SETX: variants seen among roughly 807,000 people sequenced by gnomAD.
The protein encoded by SETX is senataxin, also known as helicase senataxin.
In SETX, 90 loss-of-function variants were observed where a neutral mutation model predicts 227.2. The observed-to-expected ratio is 0.40, with a 90% CI of 0.33 to 0.47. The LOEUF (loss-of-function observed/expected upper bound fraction) is 0.47, where lower values mean the gene tolerates loss of function less well. Ranked by LOEUF, SETX falls within the 20% of genes least tolerant of loss-of-function variation. The pLI is 0.91. For missense variants in SETX, 3,052 were observed against 3,181.5 expected (o/e 0.96, Z 0.98); for synonymous variants, 1,210 against 1,113.2 (o/e 1.09, Z -1.73).
Position 132,278,136 on chromosome 9 carries a change from C to T in SETX, c.6776G>A (p.Arg2259Lys). ...GAAGAGGCATATGTCTGGATGCATC[C>T]TGTACTGAACAGTGAGCTGTAGAAT... is the stretch of plus-strand genomic sequence containing the variant. ...LPILQLTVQY[R>K]MHPDICLFPS... The change falls in exon 21 of 26, where the codon AGG becomes AAG. Residue 2259 changes from arginine to lysine, a missense_variant. Arg to Lys is a conservative substitution (Grantham distance 26). Coordinates refer to ENST00000224140, the MANE Select transcript of SETX (RefSeq NM_015046.7). 1 of 1,614,088 alleles carries T rather than the reference C, an allele frequency of 6.2e-7. No homozygotes were observed. The highest frequency in any genetic ancestry group is 8.5e-7 in the Non-Finnish European group (1 of 1,180,004).
In SETX at chr9:132,294,688, A is replaced by C. The variant is rs549020903; in HGVS notation, c.6106+1184T>G. Among the ~76,000 whole-genome samples the C allele has an allele frequency of 5.4e-4, 83 of 152,344 alleles. No homozygotes were observed. The South Asian group carries it at 0.016, about 29-fold the overall frequency. On this transcript the variant is annotated intron_variant, in intron 15 of 25. Transcript: ENST00000224140. ...AGGACCTAGAAACTTTCCTTGTAAC[A>C]TAGCTAGTATGTTCCCTCTGCCCCT...
At chr9:132,342,213 T>C (rs968348443) in intron 5 of SETX, among the ~76,000 whole-genome samples, 2 of 152,054 alleles carry the variant, frequency 1.3e-5, no homozygotes, top group Non-Finnish European at 2.9e-5. Flanking sequence ...CTATGTCAGG[T>C]TTCAATGCTA....
In SETX at chr9:132,290,232, C is replaced by G. The variant is rs574951618; in HGVS notation, c.6107-1581G>C. Among the ~76,000 whole-genome samples, 51 of 147,248 alleles carry G rather than the reference C, an allele frequency of 3.5e-4. No homozygotes were observed. The South Asian group carries it at 0.01, about 29-fold the overall frequency. The stretch of plus-strand genomic sequence containing the variant: ...CTCAAAAAAACAAACAAAAAAACAC[C>G]TTTATTCGTCTTTATTTTTTTTCCC... On this transcript the variant is annotated intron_variant, in intron 15 of 25. Transcript: ENST00000224140.
At position 132,327,020 on chromosome 9, in the gene SETX, T is replaced by A. The variant is rs1416904336; in HGVS notation, c.4578A>T (p.Lys1526Asn). Residue 1526 changes from lysine (K) to asparagine (N), a missense_variant, in exon 10 of 26, where the codon AAA becomes AAT. Lys to Asn is a moderately conservative substitution (Grantham distance 94). Coordinates refer to ENST00000224140, the MANE Select transcript of SETX (RefSeq NM_015046.7). ...AATCTTCTTCAACCTCAACTGTATC[T>A]TTTCCATGAATTAGTTCAATGAGTT... ...NYKLIELIHG[K>N]DTVEVEEDSV... is the part of the protein sequence containing the mutation. The A allele has an allele frequency of 1.2e-6, 2 of 1,614,130 alleles. No homozygotes were observed. Among genetic ancestry groups the A allele is most frequent in the Non-Finnish European group, 1.7e-6 (2 of 1,180,056 alleles).
chr9:132,328,878 T>C lies in SETX; in HGVS notation c.2720A>G (p.Glu907Gly). 6.2e-7 allele frequency: 1 copy of C among 1,614,076 alleles called. No individual in the cohort carries two copies. The highest frequency in any genetic ancestry group is 8.5e-7 in the Non-Finnish European group (1 of 1,179,972). ...IPFTEMTNASEKKSSPFKDLM... is the reference protein window; with the variant it reads ...IPFTEMTNASGKKSSPFKDLM... ...ATCTTTAAAGGGAGATGATTTCTTC[T>C]CTGAAGCATTGGTCATTTCTGTAAA... The change falls in exon 10 of 26, where the codon GAG becomes GGG. Residue 907 changes from glutamate to glycine, a missense_variant. Physicochemically the swap from Glu to Gly is moderately conservative, Grantham distance 98. Coordinates refer to ENST00000224140, the MANE Select transcript of SETX (RefSeq NM_015046.7).
chr9:132,300,242 CG>C (rs1589676558), intron 12 of SETX, among the ~76,000 whole-genome samples: 1 of 150,782 alleles, frequency 6.6e-6, no homozygotes, highest in East Asian at 1.9e-4. Flanking sequence ...AAACATACAA[CG>C]GATGGAAGTG....
intron 7 of SETX, among the ~76,000 whole-genome samples, chr9:132,333,047 C>G (rs1847344592): frequency 2.0e-5 from 3 of 151,098 alleles, no homozygotes. Flanking sequence ...TAAATGTTGG[C>G]AAAAGAGTAA....
intron 5 of SETX, 128 bp from the exon 6 acceptor site, chr9:132,336,643 G>A: frequency 4.0e-6 from 3 of 742,600 alleles, no homozygotes; most frequent in East Asian, 5.3e-5. Flanking sequence ...AATGCAATGT[G>A]TGGACCTTAT....
chr9:132,330,005 T>C lies in SETX; in HGVS notation c.1593A>G (p.Val531=), dbSNP rs201460632. 301 of 1,614,074 alleles carry C rather than the reference T, an allele frequency of 1.9e-4. 2 individuals carry two copies. The highest frequency in any genetic ancestry group is 1.3e-5 in the Non-Finnish European group (15 of 1,180,002). Residue 531 remains valine (V), a synonymous_variant, in exon 10 of 26, where the codon GTA becomes GTG. Coordinates refer to ENST00000224140, the MANE Select transcript of SETX (RefSeq NM_015046.7). ...TAATCAGCTGCACATAAGCAAGTTG[T>C]ACAGAGTTAGATGGCATGGAATGCA... ...LSLHSMPSNS[V]QLAYVQLIRS...
rs1842467535 is a variant in SETX, at chr9:132,262,918, T to G, written c.*1321A>C. The G allele has an allele frequency of 6.6e-6, 1 of 152,234 alleles. No individual in the cohort carries two copies. The highest frequency in any genetic ancestry group is 1.5e-5 in the Non-Finnish European group (1 of 68,038). 9.4% of individuals were successfully genotyped at this position (152,234 alleles called of 1,614,324 possible). On this transcript the variant is annotated 3_prime_UTR_variant, in exon 26 of 26. Transcript: ENST00000224140. ...ACTGTCAACTGTACATTCTCATGTTTAGGATACTCCAGTTCACTGCGTGGA... is the reference window on the plus strand; with the variant it reads ...ACTGTCAACTGTACATTCTCATGTTGAGGATACTCCAGTTCACTGCGTGGA...
In SETX at chr9:132,326,524, A is replaced by G. The variant is rs751000551; in HGVS notation, c.5074T>C (p.Leu1692=). 33 of 1,614,178 alleles carry G rather than the reference A, an allele frequency of 2.0e-5. No homozygotes were observed. In the South Asian group the frequency reaches 3.5e-4, roughly 17 times the overall value. Residue 1692 remains leucine, a synonymous_variant, in exon 10 of 26, where the codon TTG becomes CTG. Transcript: ENST00000224140. ...FPSSSPVNIL[L]SSQSVSDTFV... is the part of the protein sequence containing the mutation. ...GTGTCAGAGACAGACTGTGATGACA[A>G]AAGAATGTTTACTGGAGAGGAAGAT...
chr9:132,267,292 G>T (rs1330430231), intron 25 of SETX, among the ~76,000 whole-genome samples: 1 of 152,222 alleles, frequency 6.6e-6, no homozygotes, highest in African/African-American at 2.4e-5. Flanking sequence ...GGCTCTGGGG[G>T]CTCAGTTCTC....
chr9:132,293,587 A>G (rs1227970022), intron 15 of SETX, among the ~76,000 whole-genome samples: 1 of 152,040 alleles, frequency 6.6e-6, no homozygotes. Flanking sequence ...ACGTGCAGCT[A>G]ATTTGTATTT....
chr9:132,303,977 T>C (rs12339192), intron 11 of SETX, among the ~76,000 whole-genome samples: 38,070 of 151,878 alleles, frequency 0.25, 6,079 homozygotes, highest in East Asian at 0.68. Flanking sequence ...CAAAAATTAG[T>C]CAGGCATGGT....
chr9:132,290,307 T>C (rs991193893), intron 15 of SETX, among the ~76,000 whole-genome samples: 2 of 152,038 alleles, frequency 1.3e-5, no homozygotes, highest in African/African-American at 2.4e-5. Context: ...CTGGGCACAG[T>C]GGCTCACACC....
chr9:132,336,255 T>C lies in SETX; in HGVS notation c.718+41A>G, dbSNP rs1847607419. 2.6e-6 allele frequency: 4 copies of C among 1,536,022 alleles called. No individual in the cohort carries two copies. In the South Asian group the frequency reaches 4.5e-5, roughly 17 times the overall value. ...GAGACTGTCTCAAAAAACAGAACTA[T>C]ACGAAAATACCAATTATATTAGTGT... is the stretch of plus-strand genomic sequence containing the variant. On this transcript the variant is annotated intron_variant, in intron 6 of 25. Coordinates refer to ENST00000224140, the MANE Select transcript of SETX (RefSeq NM_015046.7).
intron 11 of SETX, among the ~76,000 whole-genome samples, chr9:132,306,982 T>C (rs554748303): frequency 4.6e-5 from 7 of 152,336 alleles, no homozygotes; most frequent in East Asian, 3.9e-4. Context: ...GAGCTGGGCA[T>C]GGTGGCTCAC....
chr9:132,263,834 T>G lies in SETX; in HGVS notation c.*405A>C. ...TTTTTTTTTTTGGTAATATAAAGTTTGTTCTGTTGAAAACTGATTAACATT... is the reference window on the plus strand; with the variant it reads ...TTTTTTTTTTTGGTAATATAAAGTTGGTTCTGTTGAAAACTGATTAACATT... On this transcript the variant is annotated 3_prime_UTR_variant, in exon 26 of 26. Transcript: ENST00000224140. 1 of 191,840 alleles carries G rather than the reference T, an allele frequency of 5.2e-6. No homozygotes were observed. Among genetic ancestry groups the G allele is most frequent in the Non-Finnish European group, 1.1e-5 (1 of 90,936 alleles). 11.9% of individuals were successfully genotyped at this position (191,840 alleles called of 1,614,324 possible). A position where few individuals can be genotyped will look rare whatever the true frequency, so the allele number is the denominator to read the frequency against.
At chr9:132,297,270 G>A (rs766238013) in intron 13 of SETX, among the ~76,000 whole-genome samples, 2 of 152,198 alleles carry the variant, frequency 1.3e-5, no homozygotes, top group Non-Finnish European at 2.9e-5. Context: ...ACTAATTAGT[G>A]TCTGTAACGC....
Sources: gnomAD v4.1 joint callset for allele counts (sites outside exome capture counted in the v4.1 genomes callset) on GRCh38, gnomAD v4.1.1 for gene constraint, MANE v1.5 for transcripts, NCBI Gene and HGNC (gene_info 2026-07-23, HGNC 2026-07-21) for gene names.